The following SETDB1 variants were observed in gnomAD, a reference collection of about 807,000 sequenced individuals.
The protein encoded by SETDB1 is histone-lysine N-methyltransferase SETDB1.
Under a neutral mutation model 137.4 loss-of-function variants are expected in SETDB1, and 31 were observed. The observed-to-expected ratio is 0.23, with a 90% CI of 0.17 to 0.30. The LOEUF is 0.30. Ranked by LOEUF, SETDB1 falls within the 10% of genes least tolerant of loss-of-function variation. The pLI is 1.00. For missense variants in SETDB1, 1,113 were observed against 1,631.5 expected (o/e 0.68, Z 5.47); for synonymous variants, 548 against 579.9 (o/e 0.95, Z 0.79).
chr1:150,926,631 G>T (rs1429437096), intron 1 of SETDB1, 114 bp downstream of exon 1: 4 of 447,590 alleles, frequency 8.9e-6, no homozygotes, highest in Non-Finnish European at 1.8e-5. Flanking sequence ...GGCGAACGGG[G>T]GCGGGGCTGA....
rs770452619 is a variant in SETDB1, at chr1:150,963,792, G to A, written c.3672+51G>A. Reference sequence around the variant, plus strand: ...ATGCTGGATTATCCCATGGTCCTCAGATTTCTTTTAACATACTCTATAAGC... The same window carrying A: ...ATGCTGGATTATCCCATGGTCCTCAAATTTCTTTTAACATACTCTATAAGC... On this transcript the variant is annotated intron_variant, in intron 20 of 21. Transcript: ENST00000692827. 14 of 1,567,824 alleles carry A rather than the reference G, an allele frequency of 8.9e-6. No individual in the cohort carries two copies. The South Asian group carries it at 1.6e-4, about 17-fold the overall frequency.
intron 4 of SETDB1, 125 bp downstream of exon 4, chr1:150,940,099 C>A: frequency 1.7e-6 from 1 of 603,522 alleles, no homozygotes; most frequent in African/African-American, 1.8e-5. Flanking sequence ...CAGCCCTTTG[C>A]GTTGCAGTCC....
chr1:150,933,368 C>CTTTTTTTTTTTTTT (rs71090112), intron 3 of SETDB1, among the ~76,000 whole-genome samples: 6 of 118,860 alleles, frequency 5.0e-5, no homozygotes, highest in Non-Finnish European at 6.8e-5. Context: ...CCTATTTTGT[C>CTTTTTTTTTTTTTT]TTTTTTTTTT....
At chr1:150,936,225 G>A (rs1453618210) in intron 3 of SETDB1, among the ~76,000 whole-genome samples, 2 of 152,082 alleles carry the variant, frequency 1.3e-5, no homozygotes, top group African/African-American at 2.4e-5. Context: ...TCCTGACCTC[G>A]TAATCTGCCC....
intron 14 of SETDB1, 71 bp from the exon 15 acceptor site, chr1:150,959,107 T>G (rs780474009): frequency 1.7e-5 from 18 of 1,089,208 alleles, no homozygotes; most frequent in Non-Finnish European, 2.3e-5. Flanking sequence ...TTAAGAATTA[T>G]AATAGTTTTA....
At chr1:150,939,436 T>A (rs1242608114) in intron 3 of SETDB1, among the ~76,000 whole-genome samples, 1 of 152,084 alleles carries the variant, frequency 6.6e-6, no homozygotes, top group Non-Finnish European at 1.5e-5. Context: ...CCAGCACTTC[T>A]GCCTCAGCTT....
rs1670870850 is a variant in SETDB1, at chr1:150,963,014, A to G, written c.3335A>G (p.Glu1112Gly). 6.2e-7 allele frequency: 1 copy of G among 1,613,996 alleles called. No homozygotes were observed. The highest frequency in any genetic ancestry group is 8.5e-7 in the Non-Finnish European group (1 of 1,180,010). Residue 1112 changes from glutamate to glycine, a missense_variant, in exon 19 of 22, where the codon GAA (glutamate) becomes GGA (glycine). By Grantham distance (98) the Glu-to-Gly change is moderately conservative. Coordinates refer to ENST00000692827, the MANE Select transcript of SETDB1 (RefSeq NM_001366418.1). The part of the protein sequence containing the change: ...TLSSSTESEG[E>G]SGTSRKPTAG... ...TCCAGCAGCACAGAAAGTGAGGGGG[A>G]AAGTGGGACCAGCCGAAAGCCCACT...
At chr1:150,934,318 A>G (rs998727274) in intron 3 of SETDB1, among the ~76,000 whole-genome samples, 4 of 152,142 alleles carry the variant, frequency 2.6e-5, no homozygotes, top group Non-Finnish European at 4.4e-5. Flanking sequence ...TAAAAATACA[A>G]AAAAATTAGC....
Position 150,950,840 on chromosome 1 carries a change from C to G in SETDB1, c.1966C>G (p.Leu656Val). ...CGAGACTGGCTGTGACTTCCTCTTC[C>G]TGGAGATGTTCTGTTTGGATCCATA... ...LFETGCDFLF[L>V]EMFCLDPYVL... The change falls in exon 13 of 22, where the codon CTG becomes GTG. Residue 656 changes from leucine to valine, a missense_variant. This residue lies in a region of SETDB1 where 55 missense variants were observed against 118.5 expected (regional missense o/e 0.46). Transcript: ENST00000692827. 6.2e-7 allele frequency: 1 copy of G among 1,614,172 alleles called. No homozygotes were observed. Among genetic ancestry groups the G allele is most frequent in the Non-Finnish European group, 8.5e-7 (1 of 1,180,042 alleles).
chr1:150,931,742 A>AAC (rs1411614382), intron 3 of SETDB1, among the ~76,000 whole-genome samples: 3 of 148,820 alleles, frequency 2.0e-5, no homozygotes, highest in Admixed American at 6.7e-5. Flanking sequence ...AAAAAAAAAA[A>AAC]AAAACAGACA....
rs587606905 is a variant in SETDB1 at position 150,931,708 on chromosome 1, G to A, written c.412+1590G>A. Among the ~76,000 whole-genome samples the A allele has an allele frequency of 1.4e-4, 17 of 121,488 alleles. No individual in the cohort carries two copies. The South Asian group carries it at 4.8e-3, about 34-fold the overall frequency. The allele number at this position is 121,488 out of a possible 152,430, so 79.7% of individuals were successfully genotyped here. On this transcript the variant is annotated intron_variant, in intron 3 of 21. Transcript: ENST00000692827. ...ACTGCACTCCAGCCTGGGCGACAGA[G>A]TGAGACTCTGTCTCACCCAAAAAAA... is the stretch of plus-strand genomic sequence containing the variant.
chr1:150,945,660 T>C (rs1670299388), intron 9 of SETDB1, among the ~76,000 whole-genome samples: 1 of 152,248 alleles, frequency 6.6e-6, no homozygotes, highest in East Asian at 1.9e-4. Flanking sequence ...GTTATATTTC[T>C]TCTTGGTGTT....
At chr1:150,963,912 AT>A in intron 20 of SETDB1, 82 bp from the exon 21 acceptor site, 1 of 1,385,470 alleles carries the variant, frequency 7.2e-7, no homozygotes, top group Non-Finnish European at 1.0e-6. Flanking sequence ...AGATGGCATC[AT>A]TTTTCTTCCA....
chr1:150,940,368 C>A (rs928802245), intron 4 of SETDB1, among the ~76,000 whole-genome samples: 43 of 151,130 alleles, frequency 2.8e-4, no homozygotes, highest in African/African-American at 1.0e-3. Context: ...GAGTTCAAGA[C>A]CAGCCTGGCC....
intron 3 of SETDB1, among the ~76,000 whole-genome samples, chr1:150,936,250 A>G (rs1669942919): frequency 6.6e-6 from 1 of 152,000 alleles, no homozygotes. Context: ...CGGCCTCCCA[A>G]AGTGCTGGGA....
Position 150,927,699 on chromosome 1 carries a change from T to C in SETDB1, c.-11-5T>C. 3 of 1,612,668 alleles carry C rather than the reference T, an allele frequency of 1.9e-6. No individual in the cohort carries two copies. Among genetic ancestry groups the C allele is most frequent in the Middle Eastern group, 1.7e-4 (1 of 6,054 alleles). ...CCAATTTAATTTGTTTTCTGTTCCA[T>C]GCAGAGGACAAAAGCATGTCTTCCC... On this transcript the variant is annotated splice_polypyrimidine_tract_variant and splice_region_variant and intron_variant, in intron 1 of 21. Transcript: ENST00000692827.
chr1:150,964,109 T>TG (rs775773010), intron 21 of SETDB1, 26 bp downstream of exon 21: 1 of 1,599,900 alleles, frequency 6.3e-7, no homozygotes, highest in African/African-American at 1.3e-5. Context: ...AGGGGATGAC[T>TG]GGGGAGGGGC....
chr1:150,961,382 G>A (rs1385045422), intron 16 of SETDB1, 191 bp downstream of exon 16: 1 of 610,988 alleles, frequency 1.6e-6, no homozygotes, highest in African/African-American at 1.9e-5. Flanking sequence ...ACCGGGCACA[G>A]TGGCTCACAC....
chr1:150,963,941 A>G, intron 20 of SETDB1, 54 bp from the exon 21 acceptor site: 1 of 1,543,796 alleles, frequency 6.5e-7, no homozygotes. Flanking sequence ...CTCTCCCTGC[A>G]AAGCCAGGTT....
Sources: gnomAD v4.1 joint callset for allele counts (sites outside exome capture counted in the v4.1 genomes callset) on GRCh38, gnomAD v4.1.1 for gene constraint, gnomAD v4.1.1 regional missense constraint, MANE v1.5 for transcripts, NCBI Gene and HGNC (gene_info 2026-07-23, HGNC 2026-07-21) for gene names.